DENND6A: variants seen among roughly 807,000 people sequenced by gnomAD.
DENND6A encodes the protein protein DENND6A.
In DENND6A, 43 loss-of-function variants were observed where a neutral mutation model predicts 95.5. That is an observed-to-expected ratio of 0.45 (90% CI 0.35 to 0.58). The LOEUF (loss-of-function observed/expected upper bound fraction) is 0.58, where lower values mean the gene tolerates loss of function less well. Ranked by LOEUF, DENND6A falls within the 20% of genes least tolerant of loss-of-function variation. The pLI is 0.00. For missense variants in DENND6A, 574 were observed against 736.0 expected (o/e 0.78, Z 2.55); for synonymous variants, 257 against 260.4 (o/e 0.99, Z 0.13).
At chr3:57,634,406 C>T in intron 14 of DENND6A, 152 bp downstream of exon 14, 1 of 348,452 alleles carries the variant, frequency 2.9e-6, no homozygotes, top group African/African-American at 2.2e-5. Context: ...GCACTCCAGC[C>T]TGGGTGATAG....
chr3:57,645,776 T>C lies in DENND6A; in HGVS notation c.942-20A>G, dbSNP rs367637541. On this transcript the variant is annotated intron_variant, in intron 10 of 19. Transcript: ENST00000311128. ...ATACAGCTGTGGAGCAGGAAGAACATGTAAAATAAAGGACACAGAAATTAA... is the reference window on the plus strand; with the variant it reads ...ATACAGCTGTGGAGCAGGAAGAACACGTAAAATAAAGGACACAGAAATTAA... 1.9e-6 allele frequency: 3 copies of C among 1,580,662 alleles called. No individual in the cohort carries two copies. The highest frequency in any genetic ancestry group is 2.6e-6 in the Non-Finnish European group (3 of 1,152,662).
At chr3:57,677,070 C>T (rs1422539237) in intron 1 of DENND6A, among the ~76,000 whole-genome samples, 1 of 152,174 alleles carries the variant, frequency 6.6e-6, no homozygotes, top group Non-Finnish European at 1.5e-5. Context: ...GTGATCCACC[C>T]GCCTTGGCCT....
Position 57,628,073 on chromosome 3 carries a change from A to G in DENND6A, c.*141T>C. 2.4e-6 allele frequency: 3 copies of G among 1,245,048 alleles called. No homozygotes were observed. The highest frequency in any genetic ancestry group is 3.3e-6 in the Non-Finnish European group (3 of 909,556). The allele number at this position is 1,245,048 out of a possible 1,614,324, so 77.1% of individuals were successfully genotyped here. ...CACTAAAAAGGTCTGTTTATACAATACAGTCTTTCTACCCTGTAACTAGCA... is the reference window on the plus strand; with the variant it reads ...CACTAAAAAGGTCTGTTTATACAATGCAGTCTTTCTACCCTGTAACTAGCA... On this transcript the variant is annotated 3_prime_UTR_variant, in exon 20 of 20. Transcript: ENST00000311128.
rs548400247 is a variant in DENND6A at position 57,628,095 on chromosome 3, A to C, written c.*119T>G. 2 of 1,422,940 alleles carry C rather than the reference A, an allele frequency of 1.4e-6. No homozygotes were observed. Among genetic ancestry groups the C allele is most frequent in the Non-Finnish European group, 1.9e-6 (2 of 1,054,470 alleles). The allele number at this position is 1,422,940 out of a possible 1,614,324, so 88.1% of individuals were successfully genotyped here. A position where few individuals can be genotyped will look rare whatever the true frequency, so the allele number is the denominator to read the frequency against. On this transcript the variant is annotated 3_prime_UTR_variant, in exon 20 of 20. Coordinates refer to ENST00000311128, the MANE Select transcript of DENND6A (RefSeq NM_152678.3). ...AATACAGTCTTTCTACCCTGTAACT[A>C]GCATTCATGGCAATTTTCCACTCCG... is the stretch of plus-strand genomic sequence containing the variant.
At chr3:57,680,390 C>G (rs574544343) in intron 1 of DENND6A, among the ~76,000 whole-genome samples, 1 of 152,328 alleles carries the variant, frequency 6.6e-6, no homozygotes, top group Admixed American at 6.5e-5. Context: ...GCGATCAAGT[C>G]GTGAGGGCAG....
At chr3:57,665,038 C>G (rs922915519) in intron 4 of DENND6A, among the ~76,000 whole-genome samples, 1 of 152,002 alleles carries the variant, frequency 6.6e-6, no homozygotes, top group African/African-American at 2.4e-5. Flanking sequence ...AGTAAAAACA[C>G]AAAAGACAGA....
intron 1 of DENND6A, among the ~76,000 whole-genome samples, chr3:57,686,989 C>A (rs954690293): frequency 1.5e-4 from 23 of 152,204 alleles, no homozygotes; most frequent in African/African-American, 5.3e-4. Flanking sequence ...TTGGACCAAA[C>A]AGCCAACTTG....
At chr3:57,665,325 T>C (rs1166364318) in intron 4 of DENND6A, among the ~76,000 whole-genome samples, 1 of 152,204 alleles carries the variant, frequency 6.6e-6, no homozygotes, top group African/African-American at 2.4e-5. Flanking sequence ...AGAGGTGGGA[T>C]GACCTTGGGT....
intron 9 of DENND6A, among the ~76,000 whole-genome samples, chr3:57,648,465 C>T (rs1190049703): frequency 6.6e-6 from 1 of 152,034 alleles, no homozygotes; most frequent in African/African-American, 2.4e-5. Flanking sequence ...CCATCAATGC[C>T]CTCCTTACAC....
chr3:57,627,920 C>G lies in DENND6A; in HGVS notation c.*294G>C. 1 of 249,278 alleles carries G rather than the reference C, an allele frequency of 4.0e-6. No individual in the cohort carries two copies. Among genetic ancestry groups the G allele is most frequent in the Non-Finnish European group, 7.8e-6 (1 of 128,942 alleles). The allele number at this position is 249,278 out of a possible 1,614,324, so 15.4% of individuals were successfully genotyped here. ...CAATGCCAGCACTGCAGTATGAAAT[C>G]ACTAATACTGATGGCCCACAAGTCT... On this transcript the variant is annotated 3_prime_UTR_variant, in exon 20 of 20. Transcript: ENST00000311128.
intron 1 of DENND6A, chr3:57,679,366 G>T: frequency 2.8e-6 from 1 of 357,246 alleles, no homozygotes; most frequent in Non-Finnish European, 3.9e-6. Flanking sequence ...CTTTTTCATT[G>T]TTGTTGTTAC....
chr3:57,647,951 G>T (rs1312635631), intron 9 of DENND6A, among the ~76,000 whole-genome samples: 1 of 152,048 alleles, frequency 6.6e-6, no homozygotes, highest in East Asian at 1.9e-4. Context: ...GAATGTCAGG[G>T]CCCAGTGGGG....
intron 15 of DENND6A, among the ~76,000 whole-genome samples, chr3:57,631,513 G>A (rs1051642943): frequency 3.3e-5 from 5 of 151,802 alleles, no homozygotes; most frequent in African/African-American, 9.7e-5. Flanking sequence ...ATTTTTTAAC[G>A]ATAATAGTTA....
chr3:57,669,734 A>G (rs1189207009), intron 3 of DENND6A, among the ~76,000 whole-genome samples: 1 of 151,124 alleles, frequency 6.6e-6, no homozygotes, highest in Non-Finnish European at 1.5e-5. Flanking sequence ...GAAAAGAAAA[A>G]AAATCAGCCG....
intron 3 of DENND6A, among the ~76,000 whole-genome samples, chr3:57,668,268 G>C (rs2071557722): frequency 6.6e-6 from 1 of 152,152 alleles, no homozygotes; most frequent in African/African-American, 2.4e-5. Context: ...TGATGTCCCT[G>C]CTGTCTACAA....
intron 3 of DENND6A, among the ~76,000 whole-genome samples, chr3:57,667,015 A>G (rs1334604809): frequency 6.6e-6 from 1 of 152,252 alleles, no homozygotes; most frequent in East Asian, 1.9e-4. Context: ...AAACGTAGTT[A>G]TAAGAATTAA....
At position 57,633,270 on chromosome 3, in the gene DENND6A, G is replaced by T; in HGVS notation, c.1348C>A (p.Pro450Thr). ...FLELTQSFII[P>T]LERYVASLMP... ...AAATTTATTTATTAACTTACTAATG[G>T]AATGATGAAACTTTGTGTCAGTTCC... is the stretch of plus-strand genomic sequence containing the variant. Residue 450 changes from proline to threonine, a missense_variant, in exon 15 of 20, where the codon CCA becomes ACA. Pro to Thr is a conservative substitution (Grantham distance 38). Coordinates refer to ENST00000311128, the MANE Select transcript of DENND6A (RefSeq NM_152678.3). The T allele has an allele frequency of 6.2e-7, 1 of 1,611,524 alleles. No homozygotes were observed. Among genetic ancestry groups the T allele is most frequent in the Non-Finnish European group, 8.5e-7 (1 of 1,178,404 alleles).
intron 12 of DENND6A, among the ~76,000 whole-genome samples, chr3:57,637,184 T>G (rs1200867703): frequency 6.6e-6 from 1 of 152,144 alleles, no homozygotes; most frequent in Admixed American, 6.5e-5. Context: ...ATGAAGAAAC[T>G]AAAGCATGGG....
intron 11 of DENND6A, among the ~76,000 whole-genome samples, 179 bp from the exon 12 acceptor site, chr3:57,641,926 C>T (rs1348274929): frequency 6.6e-6 from 1 of 151,766 alleles, no homozygotes; most frequent in Admixed American, 6.6e-5. Flanking sequence ...CATAAAAAGA[C>T]GAAAGGACAC....
Sources: allele counts gnomAD v4.1 joint callset (sites outside exome capture counted in the v4.1 genomes callset), GRCh38; gene constraint gnomAD v4.1.1; transcripts MANE v1.5; gene names NCBI Gene and HGNC (gene_info 2026-07-23, HGNC 2026-07-21).